The following SEMA5A variants were observed in gnomAD, a reference collection of about 807,000 sequenced individuals.
The protein encoded by SEMA5A is semaphorin 5A.
A neutral mutation model predicts 135.5 loss-of-function variants in SEMA5A; 55 were observed. That is an observed-to-expected ratio of 0.41 (90% CI 0.33 to 0.51). SEMA5A has a LOEUF of 0.51. SEMA5A is among the 20% of genes least tolerant of loss of function. SEMA5A has a pLI of 0.37. For missense variants in SEMA5A, 1,290 were observed against 1,419.9 expected (o/e 0.91, Z 1.47); for synonymous variants, 580 against 546.5 (o/e 1.06, Z -0.85).
intron 1 of SEMA5A, among the ~76,000 whole-genome samples, chr5:9,485,081 T>C (rs376388899): frequency 1.3e-5 from 2 of 152,200 alleles, no homozygotes; most frequent in African/African-American, 2.4e-5. Flanking sequence ...AATGTAATTA[T>C]TCATTGTTTA....
intron 1 of SEMA5A, among the ~76,000 whole-genome samples, chr5:9,542,781 A>G (rs1412032789): frequency 6.6e-6 from 1 of 152,160 alleles, no homozygotes; most frequent in African/African-American, 2.4e-5. Context: ...CTTGACTGGG[A>G]TATGTTATAA....
intron 5 of SEMA5A, among the ~76,000 whole-genome samples, chr5:9,273,246 A>AT (rs1750080281): frequency 2.0e-5 from 3 of 152,196 alleles, no homozygotes; most frequent in African/African-American, 7.2e-5. Flanking sequence ...TCAGAGATTG[A>AT]AGATCAACTC....
intron 4 of SEMA5A, among the ~76,000 whole-genome samples, chr5:9,324,030 C>T (rs1752756995): frequency 6.6e-6 from 1 of 151,774 alleles, no homozygotes; most frequent in Non-Finnish European, 1.5e-5. Flanking sequence ...GTTTAGTATT[C>T]ACCTTATTAC....
intron 2 of SEMA5A, among the ~76,000 whole-genome samples, chr5:9,421,267 A>T (rs928769852): frequency 3.3e-5 from 5 of 152,228 alleles, no homozygotes; most frequent in Non-Finnish European, 7.3e-5. Context: ...TCATAATATC[A>T]TAAAATCTCT....
chr5:9,186,073 C>G (rs1476599975), intron 11 of SEMA5A, among the ~76,000 whole-genome samples: 2 of 152,170 alleles, frequency 1.3e-5, no homozygotes, highest in African/African-American at 4.8e-5. Context: ...CCGTCACTAA[C>G]AGAACTCCAG....
At position 9,341,674 on chromosome 5, in the gene SEMA5A, T is replaced by TATA. The variant is rs975557445; in HGVS notation, c.125-3863_125-3862insTAT. Among the ~76,000 whole-genome samples the TATA allele has an allele frequency of 7.0e-4, 16 of 22,868 alleles. No individual in the cohort carries two copies. In the South Asian group the frequency reaches 0.026, roughly 38 times the overall value. The allele number at this position is 22,868 out of a possible 152,430, so 15.0% of individuals were successfully genotyped here. A position where few individuals can be genotyped will look rare whatever the true frequency, so the allele number is the denominator to read the frequency against. On this transcript the variant is annotated intron_variant, in intron 3 of 22. Transcript: ENST00000382496. ...ATATATATAATATATATAATATATA[T>TATA]TATATATATATAAAATTGGAAGTTA...
At chr5:9,312,777 T>G (rs898029181) in intron 5 of SEMA5A, among the ~76,000 whole-genome samples, 2 of 152,186 alleles carry the variant, frequency 1.3e-5, no homozygotes, top group Non-Finnish European at 2.9e-5. Context: ...CGATTTGAAG[T>G]ACTGTTGACT....
At chr5:9,235,101 A>T (rs1561055293) in intron 6 of SEMA5A, among the ~76,000 whole-genome samples, 1 of 152,316 alleles carries the variant, frequency 6.6e-6, no homozygotes, top group South Asian at 2.1e-4. Context: ...TTTGTAAATT[A>T]TGGACTTCCA....
chr5:9,448,923 C>T (rs961887945), intron 1 of SEMA5A, among the ~76,000 whole-genome samples: 6 of 152,162 alleles, frequency 3.9e-5, no homozygotes, highest in African/African-American at 1.4e-4. Context: ...ATTCCCAAGG[C>T]CAGGCCTAAG....
intron 8 of SEMA5A, among the ~76,000 whole-genome samples, chr5:9,221,150 A>T (rs1746929330): frequency 6.6e-6 from 1 of 152,190 alleles, no homozygotes; most frequent in Non-Finnish European, 1.5e-5. Context: ...TCAAGAGAGA[A>T]GTCTGAGAGC....
chr5:9,476,927 A>C (rs929610917), intron 1 of SEMA5A, among the ~76,000 whole-genome samples: 4 of 152,176 alleles, frequency 2.6e-5, no homozygotes, highest in African/African-American at 7.2e-5. Context: ...ACTAAAAAAA[A>C]AAAAATAGCC....
chr5:9,043,069 G>GAAAT, intron 22 of SEMA5A, 53 bp from the exon 23 acceptor site: 16 of 1,448,122 alleles, frequency 1.1e-5, no homozygotes, highest in Non-Finnish European at 1.5e-5. Context: ...TAGCATTTCA[G>GAAAT]AAATAATATA....
At chr5:9,412,590 C>CTTT (rs1307900110) in intron 2 of SEMA5A, among the ~76,000 whole-genome samples, 1 of 83,898 alleles carries the variant, frequency 1.2e-5, no homozygotes, top group Non-Finnish European at 2.4e-5. Context: ...TCAGATTTTG[C>CTTT]ATTTTTTTTT....
intron 5 of SEMA5A, among the ~76,000 whole-genome samples, chr5:9,256,925 T>A (rs1373127461): frequency 6.6e-6 from 1 of 152,248 alleles, no homozygotes; most frequent in Non-Finnish European, 1.5e-5. Context: ...AGTTTTCAAA[T>A]TCATCTTGCA....
At chr5:9,464,987 C>T (rs1284547215) in intron 1 of SEMA5A, among the ~76,000 whole-genome samples, 2 of 152,168 alleles carry the variant, frequency 1.3e-5, no homozygotes, top group East Asian at 3.8e-4. Context: ...AAAATGCTTC[C>T]TTGAAATGCT....
Position 9,207,988 on chromosome 5 carries a change from G to A in SEMA5A, c.647-5748C>T, listed in dbSNP as rs1237317186. ...TGTGTGTATCACATACATGAGTATAGAGATATATGTATACATGGCTCAATA... is the reference window on the plus strand; with the variant it reads ...TGTGTGTATCACATACATGAGTATAAAGATATATGTATACATGGCTCAATA... On this transcript the variant is annotated intron_variant, in intron 8 of 22. Coordinates refer to ENST00000382496, the MANE Select transcript of SEMA5A (RefSeq NM_003966.3). 1.1e-4 allele frequency among the ~76,000 whole-genome samples: 16 copies of A among 152,090 alleles called. No homozygotes were observed. In the East Asian group the frequency reaches 3.1e-3, roughly 29 times the overall value.
In SEMA5A at chr5:9,189,896, C is replaced by G. The variant is rs913127738; in HGVS notation, c.1273+371G>C. 4.9e-4 allele frequency among the ~76,000 whole-genome samples: 75 copies of G among 152,340 alleles called. 1 individual carries two copies. Among genetic ancestry groups the G allele is most frequent in the Non-Finnish European group, 3.5e-4 (24 of 68,028 alleles). Reference sequence around the variant, plus strand: ...TGTTTTTGAACAAATGAGAAATAACCATGACAATCCCAAGATAATATTTCA... The same window carrying G: ...TGTTTTTGAACAAATGAGAAATAACGATGACAATCCCAAGATAATATTTCA... On this transcript the variant is annotated intron_variant, in intron 11 of 22. Coordinates refer to ENST00000382496, the MANE Select transcript of SEMA5A (RefSeq NM_003966.3).
At chr5:9,439,184 A>G (rs541973560) in intron 1 of SEMA5A, among the ~76,000 whole-genome samples, 4 of 152,338 alleles carry the variant, frequency 2.6e-5, no homozygotes, top group African/African-American at 7.2e-5. Flanking sequence ...GAAGGTGCAG[A>G]TGCAAATCCT....
chr5:9,335,838 T>A (rs1425056626), intron 4 of SEMA5A, among the ~76,000 whole-genome samples: 1 of 152,158 alleles, frequency 6.6e-6, no homozygotes, highest in East Asian at 1.9e-4. Context: ...ATGTGTTGAA[T>A]CAACAGGTAT....
Sources: allele counts gnomAD v4.1 joint callset (sites outside exome capture counted in the v4.1 genomes callset), GRCh38; gene constraint gnomAD v4.1.1; transcripts MANE v1.5; gene names NCBI Gene and HGNC (gene_info 2026-07-23, HGNC 2026-07-21).